KCNN2: variants seen among roughly 807,000 people sequenced by gnomAD.
The protein encoded by KCNN2 is potassium calcium-activated channel subfamily N member 2, also known as small conductance calcium-activated potassium channel protein 2.
KCNN2 carries 24 observed loss-of-function variants against 55.5 expected under a neutral mutation model. The ratio of observed to expected loss-of-function variants is 0.43; its 90% CI spans 0.31 to 0.61. The LOEUF is 0.61. Among genes scored for constraint, KCNN2 ranks in the 20% least tolerant of loss-of-function variants. The pLI is 0.08. For missense variants in KCNN2, 754 were observed against 853.6 expected (o/e 0.88, Z 1.45); for synonymous variants, 431 against 336.1 (o/e 1.28, Z -3.09).
chr5:114,452,979 C>A (rs1012195014), intron 3 of KCNN2, among the ~76,000 whole-genome samples: 4 of 152,140 alleles, frequency 2.6e-5, no homozygotes, highest in African/African-American at 9.7e-5. Flanking sequence ...TGGAAGGAGA[C>A]CATTTATCAG....
In KCNN2 at chr5:114,473,072, C is replaced by CTG; in HGVS notation, c.1799_1800dup (p.Val601TrpfsTer3). Reference sequence around the variant, plus strand: ...TTTTCAGGGTGCTGGTTGCACAGCCCTGGTGGTAGCTGTAGTGGCAAGGAA... The same window carrying CTG: ...TTTTCAGGGTGCTGGTTGCACAGCCCTGTGGTGGTAGCTGTAGTGGCAAGGAA... On this transcript the variant is annotated frameshift_variant, in exon 5 of 8. Coordinates refer to ENST00000673685, the MANE Select transcript of KCNN2 (RefSeq NM_021614.4). LOFTEE classifies it high-confidence loss of function. 6.2e-7 allele frequency: 1 copy of CTG among 1,610,808 alleles called. No homozygotes were observed. Among genetic ancestry groups the CTG allele is most frequent in the Non-Finnish European group, 8.5e-7 (1 of 1,178,168 alleles).
intron 1 of KCNN2, among the ~76,000 whole-genome samples, chr5:114,146,002 T>C (rs1752391586): frequency 6.6e-6 from 1 of 152,154 alleles, no homozygotes. Context: ...TGCATGCATC[T>C]TCAGGACACA....
chr5:114,453,701 A>C (rs1760794356), intron 3 of KCNN2, among the ~76,000 whole-genome samples: 2 of 151,890 alleles, frequency 1.3e-5, no homozygotes, highest in Non-Finnish European at 2.9e-5. Flanking sequence ...GCTTTTTTCT[A>C]CTTTCTGGGA....
chr5:114,489,937 G>A (rs1490339609), intron 6 of KCNN2, among the ~76,000 whole-genome samples: 1 of 152,142 alleles, frequency 6.6e-6, no homozygotes, highest in African/African-American at 2.4e-5. Context: ...CACTTTTTCA[G>A]CAGCTCTCTG....
chr5:114,477,620 C>T (rs1762028137), intron 5 of KCNN2, among the ~76,000 whole-genome samples: 1 of 152,152 alleles, frequency 6.6e-6, no homozygotes. Context: ...AATAGATTTA[C>T]AGTTTATCAC....
At position 114,123,654 on chromosome 5, in the gene KCNN2, C is replaced by T. The variant is rs1310401172; in HGVS notation, c.-271+67154C>T. On this transcript the variant is annotated intron_variant, in intron 1 of 10. Coordinates refer to the KCNN2 transcript ENST00000512097. ...CTGGGATTACAGGCGTGAGCCACCG[C>T]GCCCGGCCTCATTTTCTTAATTTTT... Among the ~76,000 whole-genome samples the T allele has an allele frequency of 9.4e-5, 6 of 63,606 alleles. 2 individuals carry two copies. The highest frequency in any genetic ancestry group is 2.0e-4 in the Non-Finnish European group (6 of 30,376). The allele number at this position is 63,606 out of a possible 152,430, so 41.7% of individuals were successfully genotyped here.
intron 2 of KCNN2, among the ~76,000 whole-genome samples, chr5:114,342,842 T>A (rs1315015075): frequency 1.3e-5 from 2 of 152,160 alleles, no homozygotes; most frequent in Non-Finnish European, 2.9e-5. Context: ...CTTGCCCTGA[T>A]GTGTTTTTGT....
intron 2 of KCNN2, among the ~76,000 whole-genome samples, chr5:114,249,327 A>C (rs1181162650): frequency 6.7e-6 from 1 of 148,330 alleles, no homozygotes; most frequent in Non-Finnish European, 1.5e-5. Context: ...TCTGTCACCT[A>C]GGCTGGGTGG....
chr5:114,377,332 G>T (rs936397666), intron 2 of KCNN2, among the ~76,000 whole-genome samples: 1 of 152,278 alleles, frequency 6.6e-6, no homozygotes, highest in African/African-American at 2.4e-5. Context: ...GGGACATATT[G>T]AGGATCCCTG....
At chr5:114,451,976 G>T (rs528951626) in intron 3 of KCNN2, among the ~76,000 whole-genome samples, 5 of 150,520 alleles carry the variant, frequency 3.3e-5, no homozygotes, top group East Asian at 1.9e-4. Context: ...TATACTGCCT[G>T]TTGCCACTGC....
intron 2 of KCNN2, among the ~76,000 whole-genome samples, chr5:114,356,931 T>A (rs879512698): frequency 1.1e-4 from 16 of 152,226 alleles, no homozygotes; most frequent in Middle Eastern, 3.4e-3. Flanking sequence ...GATTCCCCAC[T>A]GGCATTTATT....
intron 2 of KCNN2, among the ~76,000 whole-genome samples, chr5:114,290,734 T>C (rs1489024651): frequency 6.6e-6 from 1 of 152,172 alleles, no homozygotes; most frequent in Non-Finnish European, 1.5e-5. Context: ...GCTATAAATT[T>C]ACCTCTGAAC....
chr5:114,297,053 C>A (rs1221646336), intron 2 of KCNN2, among the ~76,000 whole-genome samples: 2 of 152,064 alleles, frequency 1.3e-5, no homozygotes, highest in African/African-American at 4.8e-5. Flanking sequence ...TATTTGAATT[C>A]TTTTAAAGTA....
intron 1 of KCNN2, among the ~76,000 whole-genome samples, chr5:114,206,505 A>T (rs1175413163): frequency 1.3e-5 from 2 of 151,686 alleles, no homozygotes; most frequent in Non-Finnish European, 2.9e-5. Context: ...CTTTCTCCTC[A>T]TATTTTTTTC....
At chr5:114,115,061 A>G (rs1354756479) in intron 1 of KCNN2, among the ~76,000 whole-genome samples, 2 of 152,138 alleles carry the variant, frequency 1.3e-5, no homozygotes, top group Non-Finnish European at 2.9e-5. Context: ...CTGTGGTGAC[A>G]TGGTGAAGTT....
At chr5:114,279,560 C>G (rs927546964) in intron 2 of KCNN2, among the ~76,000 whole-genome samples, 15 of 152,218 alleles carry the variant, frequency 9.9e-5, no homozygotes, top group African/African-American at 3.4e-4. Context: ...GTTTGGTTTT[C>G]TGTCCTTGCG....
intron 5 of KCNN2, among the ~76,000 whole-genome samples, chr5:114,481,796 A>G (rs968022995): frequency 2.0e-5 from 3 of 152,344 alleles, no homozygotes; most frequent in Admixed American, 6.5e-5. Flanking sequence ...AGGAGTCCCT[A>G]TTTAATAAAT....
At chr5:114,344,737 C>T (rs1221376111) in intron 2 of KCNN2, among the ~76,000 whole-genome samples, 2 of 152,286 alleles carry the variant, frequency 1.3e-5, no homozygotes, top group East Asian at 3.9e-4. Flanking sequence ...AGGTTACCTC[C>T]CTGGAGCCAA....
At chr5:114,241,186 A>G (rs1754610974) in intron 2 of KCNN2, among the ~76,000 whole-genome samples, 1 of 151,888 alleles carries the variant, frequency 6.6e-6, no homozygotes, top group Admixed American at 6.6e-5. Context: ...AAATGTCTGG[A>G]TAAAATAACT....
Sources: gnomAD v4.1 joint callset for allele counts (sites outside exome capture counted in the v4.1 genomes callset) on GRCh38, gnomAD v4.1.1 for gene constraint, MANE v1.5 for transcripts, NCBI Gene and HGNC (gene_info 2026-07-23, HGNC 2026-07-21) for gene names.